The following KCNH1 variants were observed in gnomAD, a reference collection of about 807,000 sequenced individuals.
The protein encoded by KCNH1 is voltage-gated delayed rectifier potassium channel KCNH1.
A neutral mutation model predicts 69.2 loss-of-function variants in KCNH1; 27 were observed. That is an observed-to-expected ratio of 0.39 (90% CI 0.29 to 0.54). The LOEUF is 0.54. Ranked by LOEUF, KCNH1 falls within the 20% of genes least tolerant of loss-of-function variation. The pLI, the probability that KCNH1 is intolerant of heterozygous loss-of-function variation, is 0.68. For synonymous variants in KCNH1, 456 were observed against 487.7 expected (o/e 0.93, Z 0.86); for missense variants, 798 against 1,261.6 (o/e 0.63, Z 5.57).
At chr1:210,880,181 T>G (rs1429242305) in intron 7 of KCNH1, among the ~76,000 whole-genome samples, 4 of 152,062 alleles carry the variant, frequency 2.6e-5, no homozygotes, top group Non-Finnish European at 5.9e-5. Flanking sequence ...ATCTGTAGAT[T>G]TAATACAATT....
intron 7 of KCNH1, among the ~76,000 whole-genome samples, chr1:210,846,482 G>T (rs1251257379): frequency 6.6e-6 from 1 of 152,008 alleles, no homozygotes; most frequent in Non-Finnish European, 1.5e-5. Context: ...AATGGGGAAA[G>T]GATTCCCTAT....
chr1:211,101,906 T>C (rs915473711), intron 3 of KCNH1, among the ~76,000 whole-genome samples: 1 of 152,216 alleles, frequency 6.6e-6, no homozygotes. Context: ...TTGAAAATGC[T>C]TTAGTATCAC....
intron 10 of KCNH1, among the ~76,000 whole-genome samples, chr1:210,686,494 C>T (rs889337203): frequency 6.6e-6 from 1 of 152,130 alleles, no homozygotes; most frequent in Non-Finnish European, 1.5e-5. Context: ...AGTAGGGAGG[C>T]CAACTTTCTT....
chr1:211,133,749 G>A lies in KCNH1; in HGVS notation c.79+118C>T. The A allele has an allele frequency of 1.1e-6, 1 of 886,432 alleles. No individual in the cohort carries two copies. Among genetic ancestry groups the A allele is most frequent in the African/African-American group, 1.7e-5 (1 of 57,514 alleles). The allele number at this position is 886,432 out of a possible 1,614,324, so 54.9% of individuals were successfully genotyped here. On this transcript the variant is annotated intron_variant, in intron 1 of 10. Transcript: ENST00000271751. The surrounding 1 kb of genome is among the most constrained non-coding windows in gnomAD (Gnocchi z 5.4). ...AGGCTGCCCTGGGTGCCCGCGCCGC[G>A]GCTCCTTAGCAGAGCTCGCGGGTTC...
intron 6 of KCNH1, among the ~76,000 whole-genome samples, chr1:210,970,198 T>C (rs1688486223): frequency 6.6e-6 from 1 of 152,136 alleles, no homozygotes; most frequent in Non-Finnish European, 1.5e-5. Context: ...GCTGCACCTA[T>C]TAACCTGTCA....
At chr1:210,972,352 T>G (rs538924219) in intron 6 of KCNH1, among the ~76,000 whole-genome samples, 2 of 152,150 alleles carry the variant, frequency 1.3e-5, no homozygotes, top group African/African-American at 2.4e-5. Flanking sequence ...CAATTTAGAC[T>G]TTAATTCTGT....
intron 6 of KCNH1, among the ~76,000 whole-genome samples, chr1:210,936,962 T>C (rs899800019): frequency 3.3e-5 from 5 of 152,200 alleles, no homozygotes; most frequent in Admixed American, 6.5e-5. Context: ...TCTCTTTTTA[T>C]ATTTCCAGCT....
chr1:210,889,628 G>A (rs879114722), intron 7 of KCNH1, among the ~76,000 whole-genome samples: 1 of 152,214 alleles, frequency 6.6e-6, no homozygotes, highest in Admixed American at 6.5e-5. Context: ...TCTGTTTGCA[G>A]ATGACATGAT....
intron 10 of KCNH1, among the ~76,000 whole-genome samples, chr1:210,734,107 T>C (rs563233138): frequency 1.1e-4 from 16 of 152,314 alleles, no homozygotes; most frequent in Middle Eastern, 3.4e-3. Context: ...TACAGAATCA[T>C]AGACTTCAAA....
At chr1:211,062,461 A>T (rs2102450784) in intron 5 of KCNH1, among the ~76,000 whole-genome samples, 1 of 152,332 alleles carries the variant, frequency 6.6e-6, no homozygotes, top group Non-Finnish European at 1.5e-5. Context: ...AAAATGGACA[A>T]ATAGCATCAT....
chr1:210,736,084 G>A (rs1682873029), intron 10 of KCNH1, among the ~76,000 whole-genome samples: 1 of 151,904 alleles, frequency 6.6e-6, no homozygotes, highest in Non-Finnish European at 1.5e-5. Context: ...GCCCACGTTG[G>A]AATGCAGCAG....
chr1:210,701,039 G>A (rs1226477889), intron 10 of KCNH1, among the ~76,000 whole-genome samples: 4 of 152,076 alleles, frequency 2.6e-5, no homozygotes, highest in African/African-American at 7.2e-5. Context: ...CCGGGTTCAC[G>A]CCACTCTCCT....
At chr1:211,066,303 G>A (rs866393743) in intron 5 of KCNH1, among the ~76,000 whole-genome samples, 1 of 152,106 alleles carries the variant, frequency 6.6e-6, no homozygotes, top group African/African-American at 2.4e-5. Context: ...AAGATTTATT[G>A]CAAATTGAGT....
At chr1:211,012,757 G>A (rs146401969) in intron 6 of KCNH1, among the ~76,000 whole-genome samples, 5 of 152,162 alleles carry the variant, frequency 3.3e-5, no homozygotes, top group East Asian at 1.9e-4. Flanking sequence ...ATGAACCCTC[G>A]TGTAAACTAT....
intron 9 of KCNH1, among the ~76,000 whole-genome samples, chr1:210,784,625 A>G (rs1684058381): frequency 6.6e-6 from 1 of 152,030 alleles, no homozygotes; most frequent in African/African-American, 2.4e-5. Flanking sequence ...ACTTCTCTAA[A>G]GGGCATCTAT....
chr1:210,852,224 A>T (rs2102468248), intron 7 of KCNH1, among the ~76,000 whole-genome samples: 1 of 152,300 alleles, frequency 6.6e-6, no homozygotes, highest in Non-Finnish European at 1.5e-5. Flanking sequence ...AGGCTGACGG[A>T]ACATCATAGG....
chr1:210,716,908 A>G (rs1682270665), intron 10 of KCNH1, among the ~76,000 whole-genome samples: 1 of 152,204 alleles, frequency 6.6e-6, no homozygotes, highest in Non-Finnish European at 1.5e-5. Flanking sequence ...AGCAACAATA[A>G]TCATCAAAAC....
At chr1:211,112,815 A>G (rs1691499119) in intron 1 of KCNH1, among the ~76,000 whole-genome samples, 1 of 152,194 alleles carries the variant, frequency 6.6e-6, no homozygotes, top group Admixed American at 6.5e-5. Context: ...TGCCTCCAAC[A>G]GTATAGAAAT....
intron 10 of KCNH1, among the ~76,000 whole-genome samples, chr1:210,686,798 T>A (rs747129143): frequency 9.9e-5 from 15 of 152,176 alleles, no homozygotes; most frequent in Non-Finnish European, 1.8e-4. Flanking sequence ...CCCTAAAAGG[T>A]CCCTGAGGGT....
Sources: gnomAD v4.1 joint callset for allele counts (sites outside exome capture counted in the v4.1 genomes callset) on GRCh38, gnomAD v4.1.1 for gene constraint, Gnocchi (gnomAD v3.1) non-coding constraint, MANE v1.5 for transcripts, NCBI Gene and HGNC (gene_info 2026-07-23, HGNC 2026-07-21) for gene names.